Variants in IQSEC1 observed in about 807,000 individuals in gnomAD.
The protein encoded by IQSEC1 is IQ motif and SEC7 domain-containing protein 1.
IQSEC1 carries 31 observed loss-of-function variants against 91.0 expected under a neutral mutation model. The observed-to-expected ratio is 0.34, with a 90% CI of 0.26 to 0.46. The LOEUF is 0.46. IQSEC1 is among the 20% of genes least tolerant of loss of function. The pLI is 1.00. For synonymous variants in IQSEC1, 699 were observed against 662.6 expected, an observed-to-expected ratio of 1.05 and a Z score of -0.84; for missense variants, 1,388 against 1,575.6, an observed-to-expected ratio of 0.88 and a Z score of 2.02.
intron 2 of IQSEC1, among the ~76,000 whole-genome samples, chr3:13,134,455 G>A (rs1405656520): frequency 6.6e-6 from 1 of 152,258 alleles, no homozygotes; most frequent in Non-Finnish European, 1.5e-5. Context: ...TGGGCGTCCT[G>A]GAGCAGCCCA....
At chr3:13,145,871 A>G (rs1401110773) in intron 2 of IQSEC1, among the ~76,000 whole-genome samples, 6 of 150,806 alleles carry the variant, frequency 4.0e-5, no homozygotes, top group Admixed American at 6.6e-5. Context: ...CTGGGGTGAC[A>G]TTCTGTCCTG....
At chr3:12,943,207 C>G (rs1338843819) in intron 1 of IQSEC1, among the ~76,000 whole-genome samples, 3 of 152,088 alleles carry the variant, frequency 2.0e-5, no homozygotes, top group Non-Finnish European at 4.4e-5. Flanking sequence ...ACCCTGAGAC[C>G]CAGTGGTCCC....
chr3:12,938,176 A>G (rs1205239840), intron 2 of IQSEC1, among the ~76,000 whole-genome samples: 1 of 152,188 alleles, frequency 6.6e-6, no homozygotes, highest in Non-Finnish European at 1.5e-5. Flanking sequence ...GAGCCAGGCA[A>G]AGCGTTGCAC....
In IQSEC1 at chr3:12,908,446, TC is replaced by T; in HGVS notation, c.2657del (p.Gly886GlufsTer3). The T allele has an allele frequency of 1.2e-6, 2 of 1,613,508 alleles. No individual in the cohort carries two copies. The highest frequency in any genetic ancestry group is 8.5e-7 in the Non-Finnish European group (1 of 1,180,018). ...CSSLKKESGNGTLSRACLDDS... is the reference protein window; with the variant it reads ...CSSLKKESGNXTLSRACLDDS... ...CGTCCAGGCAGGCCCGGCTCAGTGT[TC>T]CGTTGCCCGACTCCTTTTTGAGGCT... is the stretch of plus-strand genomic sequence containing the variant. On this transcript the variant is annotated frameshift_variant, in exon 12 of 14. Transcript: ENST00000613206. LOFTEE classifies it high-confidence loss of function. This position sits in a 1 kb window ranked among gnomAD's most constrained non-coding sequence, Gnocchi z 4.9.
At position 13,050,826 on chromosome 3, in the gene IQSEC1, T is replaced by A. The variant is rs183129976; in HGVS notation, c.23+22166A>T. On this transcript the variant is annotated intron_variant, in intron 1 of 13. Coordinates refer to ENST00000613206, the MANE Select transcript of IQSEC1 (RefSeq NM_001134382.3). ...CTCAAAAGATTTGCATGATATTCAA[T>A]ATACCTTATATTGTATTATATTACA... 3.4e-3 allele frequency among the ~76,000 whole-genome samples: 511 copies of A among 152,350 alleles called. 1 individual carries two copies. The highest frequency in any genetic ancestry group is 0.012 in the African/African-American group (497 of 41,568).
At chr3:12,985,661 GT>G (rs201828023) in intron 1 of IQSEC1, among the ~76,000 whole-genome samples, 42 of 135,106 alleles carry the variant, frequency 3.1e-4, no homozygotes, top group African/African-American at 9.8e-4. Flanking sequence ...GGGTGGCAGA[GT>G]GGGGGGGGTC....
intron 1 of IQSEC1, among the ~76,000 whole-genome samples, chr3:13,028,322 G>T (rs1703707762): frequency 6.6e-6 from 1 of 152,212 alleles, no homozygotes; most frequent in African/African-American, 2.4e-5. Flanking sequence ...GGGATCTGGG[G>T]CCAGGGACTG....
chr3:13,172,272 T>C (rs912496169), intron 1 of IQSEC1, among the ~76,000 whole-genome samples: 3 of 152,232 alleles, frequency 2.0e-5, no homozygotes, highest in East Asian at 3.9e-4. Context: ...GGGGAGTAGA[T>C]GGAACCATGG....
chr3:13,139,536 C>T (rs1023315249), intron 2 of IQSEC1, among the ~76,000 whole-genome samples: 3 of 152,236 alleles, frequency 2.0e-5, no homozygotes, highest in African/African-American at 7.2e-5. Context: ...TCTCATCCTG[C>T]TACTGCCAAT....
chr3:12,958,320 A>G (rs544069036), intron 1 of IQSEC1, among the ~76,000 whole-genome samples: 1 of 152,216 alleles, frequency 6.6e-6, no homozygotes, highest in East Asian at 1.9e-4. Flanking sequence ...CCTACCTACA[A>G]CATTGGCACA....
At chr3:12,901,739 G>A (rs550735197) in intron 13 of IQSEC1, among the ~76,000 whole-genome samples, 26 of 152,224 alleles carry the variant, frequency 1.7e-4, no homozygotes, top group Non-Finnish European at 2.4e-4. Flanking sequence ...ACCAAAGTGG[G>A]GAGTGAGGGC....
Position 12,924,049 on chromosome 3 carries a change from G to A in IQSEC1, c.1730+532C>T, listed in dbSNP as rs1386655084. 1.3e-5 allele frequency among the ~76,000 whole-genome samples: 2 copies of A among 152,220 alleles called. No homozygotes were observed. Among genetic ancestry groups the A allele is most frequent in the Non-Finnish European group, 2.9e-5 (2 of 68,046 alleles). On this transcript the variant is annotated intron_variant, in intron 4 of 13. Transcript: ENST00000613206. The surrounding 1 kb of genome is among the most constrained non-coding windows in gnomAD (Gnocchi z 6.3). Reference sequence around the variant, plus strand: ...TCCCAGCCGGGAGAATGAGGCAGGGGCAGAGCGTGGCACGGGCCGCCCACG... The same window carrying A: ...TCCCAGCCGGGAGAATGAGGCAGGGACAGAGCGTGGCACGGGCCGCCCACG...
intron 1 of IQSEC1, among the ~76,000 whole-genome samples, chr3:12,952,212 G>A (rs879599968): frequency 6.6e-6 from 1 of 152,124 alleles, no homozygotes; most frequent in Admixed American, 6.5e-5. Flanking sequence ...CGGACATCCC[G>A]CTGTCCAGGC....
At chr3:13,186,188 ACC>A (rs1003697684) in intron 1 of IQSEC1, among the ~76,000 whole-genome samples, 2 of 152,040 alleles carry the variant, frequency 1.3e-5, no homozygotes, top group Non-Finnish European at 1.5e-5. Flanking sequence ...ATCCTCAGCC[ACC>A]CCACTGGAAC....
chr3:13,128,349 C>A (rs890777844), intron 2 of IQSEC1, among the ~76,000 whole-genome samples: 21 of 152,084 alleles, frequency 1.4e-4, no homozygotes, highest in African/African-American at 4.6e-4. Context: ...CCCTTTATTC[C>A]AATTTTTTTT....
At chr3:13,079,078 C>T (rs1705606551) in intron 2 of IQSEC1, among the ~76,000 whole-genome samples, 1 of 152,246 alleles carries the variant, frequency 6.6e-6, no homozygotes, top group Non-Finnish European at 1.5e-5. Context: ...GGTGTCCCAA[C>T]CTGGCAACTC....
chr3:13,087,788 G>A lies in IQSEC1; in HGVS notation c.303-40266C>T, dbSNP rs1349388751. 3.3e-5 allele frequency among the ~76,000 whole-genome samples: 5 copies of A among 152,198 alleles called. No homozygotes were observed. The East Asian group carries it at 9.6e-4, about 29-fold the overall frequency. The stretch of plus-strand genomic sequence containing the variant: ...TGGGAAGTCTAAGGTCAAGGGGCTT[G>A]CACCTGGCAAGGGCCACCCTGCTGC... On this transcript the variant is annotated intron_variant, in intron 2 of 15. Coordinates refer to the IQSEC1 transcript ENST00000648114.
intron 1 of IQSEC1, among the ~76,000 whole-genome samples, chr3:12,985,060 G>A (rs1002056852): frequency 6.6e-6 from 1 of 152,030 alleles, no homozygotes; most frequent in East Asian, 1.9e-4. Context: ...TCCTGACCTC[G>A]TGATCCGCCC....
intron 2 of IQSEC1, among the ~76,000 whole-genome samples, chr3:13,142,351 T>C (rs2124940545): frequency 6.6e-6 from 1 of 152,278 alleles, no homozygotes; most frequent in South Asian, 2.1e-4. Context: ...AGATGCATGC[T>C]CAGACACAGC....
Sources: gnomAD v4.1 joint callset for allele counts (sites outside exome capture counted in the v4.1 genomes callset) on GRCh38, gnomAD v4.1.1 for gene constraint, Gnocchi (gnomAD v3.1) non-coding constraint, MANE v1.5 for transcripts, NCBI Gene and HGNC (gene_info 2026-07-23, HGNC 2026-07-21) for gene names.